COL4A2: variants seen among roughly 807,000 people sequenced by gnomAD.
COL4A2 encodes collagen alpha-2(IV) chain.
Under a neutral mutation model 200.2 loss-of-function variants are expected in COL4A2, and 99 were observed. The ratio of observed to expected loss-of-function variants is 0.49; its 90% CI spans 0.42 to 0.58. The LOEUF is 0.58. COL4A2 is among the 20% of genes least tolerant of loss of function. The pLI is 0.00. For missense variants in COL4A2, 1,950 were observed against 2,314.1 expected, an observed-to-expected ratio of 0.84 and a Z score of 3.23; for synonymous variants, 897 against 900.6, an observed-to-expected ratio of 1.00 and a Z score of 0.07.
intron 20 of COL4A2, among the ~76,000 whole-genome samples, chr13:110,454,402 C>T (rs918660244): frequency 2.6e-5 from 4 of 152,144 alleles, no homozygotes; most frequent in African/African-American, 9.7e-5. Flanking sequence ...ATCTCTTTGT[C>T]CTGAATGAAT....
At chr13:110,310,972 C>T (rs952303346) in intron 3 of COL4A2, among the ~76,000 whole-genome samples, 2 of 152,210 alleles carry the variant, frequency 1.3e-5, no homozygotes, top group African/African-American at 2.4e-5. Context: ...ACCCAGGCCT[C>T]TTCCTCCACA....
chr13:110,450,037 C>T (rs1470530430), intron 19 of COL4A2, among the ~76,000 whole-genome samples: 1 of 152,198 alleles, frequency 6.6e-6, no homozygotes, highest in Non-Finnish European at 1.5e-5. Flanking sequence ...ATGCTTCCAC[C>T]TGTGGGTTGG....
intron 29 of COL4A2, among the ~76,000 whole-genome samples, chr13:110,476,266 A>G (rs1003215543): frequency 6.6e-6 from 1 of 152,180 alleles, no homozygotes; most frequent in African/African-American, 2.4e-5. Context: ...CCAACTCTTC[A>G]CAACCATTAG....
intron 34 of COL4A2, among the ~76,000 whole-genome samples, 163 bp downstream of exon 34, chr13:110,485,999 G>A (rs990384243): frequency 1.3e-5 from 2 of 152,196 alleles, no homozygotes; most frequent in African/African-American, 2.4e-5. Flanking sequence ...AGGAGCTGCT[G>A]CACTTGGACA....
chr13:110,438,569 G>A (rs1460191875), intron 14 of COL4A2, 49 bp from the exon 15 acceptor site: 2 of 1,612,492 alleles, frequency 1.2e-6, no homozygotes, highest in East Asian at 2.2e-5. Context: ...CTGTTGGCTG[G>A]AGGGGCCGCC....
intron 12 of COL4A2, among the ~76,000 whole-genome samples, chr13:110,435,101 CT>C (rs1367354147): frequency 6.6e-6 from 1 of 152,216 alleles, no homozygotes; most frequent in African/African-American, 2.4e-5. Flanking sequence ...GTTTTCCCTT[CT>C]GCTTTTTGAT....
At chr13:110,410,333 G>C (rs9521748) in intron 4 of COL4A2, among the ~76,000 whole-genome samples, 1 of 152,066 alleles carries the variant, frequency 6.6e-6, no homozygotes, top group Admixed American at 6.5e-5. Flanking sequence ...ACATGTTCAC[G>C]GTCAAATGTA....
chr13:110,484,742 C>T (rs1225152080), intron 32 of COL4A2, among the ~76,000 whole-genome samples, 163 bp from the exon 33 acceptor site: 1 of 152,104 alleles, frequency 6.6e-6, no homozygotes, highest in Admixed American at 6.5e-5. Context: ...CCAACTACTC[C>T]GATGGACACA....
chr13:110,429,562 A>G (rs1232396159), intron 7 of COL4A2, among the ~76,000 whole-genome samples: 2 of 152,244 alleles, frequency 1.3e-5, no homozygotes, highest in Admixed American at 6.5e-5. Flanking sequence ...AGCACGTAAT[A>G]GTATTATCAG....
intron 20 of COL4A2, among the ~76,000 whole-genome samples, chr13:110,454,919 C>G (rs1390171684): frequency 1.3e-5 from 2 of 152,160 alleles, no homozygotes; most frequent in East Asian, 3.9e-4. Context: ...GTCCCCACCC[C>G]CTGCCACCCC....
intron 3 of COL4A2, among the ~76,000 whole-genome samples, chr13:110,315,830 A>G (rs1885116940): frequency 6.6e-6 from 1 of 152,214 alleles, no homozygotes; most frequent in African/African-American, 2.4e-5. Flanking sequence ...GGCCTGAAAT[A>G]CAGTGGGCCC....
intron 4 of COL4A2, among the ~76,000 whole-genome samples, chr13:110,404,348 T>C (rs183613901): frequency 1.4e-3 from 218 of 152,322 alleles, no homozygotes; most frequent in African/African-American, 5.0e-3. Context: ...ATCAATATAT[T>C]GCAATCATTC....
At chr13:110,434,241 A>G (rs74639154) in intron 11 of COL4A2, among the ~76,000 whole-genome samples, 160 bp from the exon 12 acceptor site, 3 of 152,246 alleles carry the variant, frequency 2.0e-5, no homozygotes, top group Non-Finnish European at 4.4e-5. Context: ...ACAAACTGTC[A>G]ATTAGTTTCT....
chr13:110,457,691 C>T (rs942513015), intron 21 of COL4A2: 2 of 630,738 alleles, frequency 3.2e-6, no homozygotes, highest in Non-Finnish European at 3.0e-6. Context: ...ACCTTCCTAG[C>T]AGCAGTGAGC....
Position 110,495,485 on chromosome 13 carries a change from A to G in COL4A2, c.3760+18A>G. The G allele has an allele frequency of 6.2e-7, 1 of 1,608,536 alleles. No homozygotes were observed. ...AGCTCCAGGTGAGGCCACACATTCC[A>G]AGCCAACATTGCCGTCCCAGTAACC... On this transcript the variant is annotated intron_variant, in intron 40 of 47. Coordinates refer to ENST00000360467, the MANE Select transcript of COL4A2 (RefSeq NM_001846.4).
rs886049969 is a variant in COL4A2, at chr13:110,429,961, G to A, written c.549+5G>A. The A allele has an allele frequency of 1.9e-6, 3 of 1,592,124 alleles. No individual in the cohort carries two copies. Among genetic ancestry groups the A allele is most frequent in the East Asian group, 2.3e-5 (1 of 43,744 alleles). On this transcript the variant is annotated splice_donor_5th_base_variant and intron_variant, in intron 8 of 47. Coordinates refer to ENST00000360467, the MANE Select transcript of COL4A2 (RefSeq NM_001846.4). ...GAGGAGCGCGACAGATATCGGGTAC[G>A]TTTGCAAGAGATGGGAGGGGTAATG...
At position 110,459,087 on chromosome 13, in the gene COL4A2, C is replaced by G. The variant is rs1407547808; in HGVS notation, c.1596+153C>G. 3 of 716,440 alleles carry G rather than the reference C, an allele frequency of 4.2e-6. 1 individual carries two copies. The African/African-American group carries it at 5.6e-5, about 13-fold the overall frequency. 44.4% of individuals were successfully genotyped at this position (716,440 alleles called of 1,614,324 possible). A position where few individuals can be genotyped will look rare whatever the true frequency, so the allele number is the denominator to read the frequency against. On this transcript the variant is annotated intron_variant, in intron 22 of 47. Coordinates refer to ENST00000360467, the MANE Select transcript of COL4A2 (RefSeq NM_001846.4). ...CTAAACCATTCTAAAAACCCACATA[C>G]CCCAAGGCGGACTTTCTACATGTCC...
At chr13:110,511,302 A>G (rs546775824) in intron 47 of COL4A2, among the ~76,000 whole-genome samples, 4 of 152,250 alleles carry the variant, frequency 2.6e-5, no homozygotes, top group African/African-American at 9.6e-5. Flanking sequence ...TCAACTATTT[A>G]ACAACCTCTG....
At chr13:110,465,353 C>T (rs756784131) in intron 24 of COL4A2, 52 bp from the exon 25 acceptor site, 12 of 1,534,046 alleles carry the variant, frequency 7.8e-6, no homozygotes, top group East Asian at 6.8e-5. Context: ...GAAGTCGAGG[C>T]GATCTTTAAC....
Sources: allele counts gnomAD v4.1 joint callset (sites outside exome capture counted in the v4.1 genomes callset), GRCh38; gene constraint gnomAD v4.1.1; transcripts MANE v1.5; gene names NCBI Gene and HGNC (gene_info 2026-07-23, HGNC 2026-07-21).